Variants in MGAT5 observed in about 807,000 individuals in gnomAD.
MGAT5 encodes alpha-1,6-mannosylglycoprotein 6-beta-N-acetylglucosaminyltransferase A.
A neutral mutation model predicts 94.3 loss-of-function variants in MGAT5; 30 were observed. The observed-to-expected ratio is 0.32, with a 90% CI of 0.24 to 0.43. The LOEUF (loss-of-function observed/expected upper bound fraction) is 0.43, where lower values mean the gene tolerates loss of function less well. Among genes scored for constraint, MGAT5 ranks in the 20% least tolerant of loss-of-function variants. The pLI is 1.00. For missense variants in MGAT5, 691 were observed against 905.5 expected (o/e 0.76, Z 3.04); for synonymous variants, 310 against 322.9 (o/e 0.96, Z 0.43).
At chr2:134,216,651 C>T (rs1250640988) in intron 1 of MGAT5, among the ~76,000 whole-genome samples, 1 of 152,226 alleles carries the variant, frequency 6.6e-6, no homozygotes. Flanking sequence ...CATCCTCGAG[C>T]TGTGTTCCTG....
intron 9 of MGAT5, among the ~76,000 whole-genome samples, chr2:134,354,528 T>A (rs1047849772): frequency 6.6e-6 from 1 of 152,192 alleles, no homozygotes; most frequent in Non-Finnish European, 1.5e-5. Flanking sequence ...ACGTCTCACT[T>A]TAAGGCTCCT....
chr2:134,237,123 A>ATGTGTATGTATG (rs367744090), intron 1 of MGAT5, among the ~76,000 whole-genome samples: 2 of 140,626 alleles, frequency 1.4e-5, no homozygotes, highest in Admixed American at 1.4e-4. Flanking sequence ...GAAGGAGTAT[A>ATGTGTATGTATG]TGTGTGTGTG....
chr2:134,384,335 C>T (rs1681832539), intron 10 of MGAT5, among the ~76,000 whole-genome samples: 1 of 152,056 alleles, frequency 6.6e-6, no homozygotes, highest in Non-Finnish European at 1.5e-5. Context: ...CCTTCCTGTC[C>T]ACTATCCTTT....
intron 1 of MGAT5, among the ~76,000 whole-genome samples, chr2:134,229,094 A>G (rs1270764142): frequency 6.6e-6 from 1 of 152,224 alleles, no homozygotes; most frequent in Non-Finnish European, 1.5e-5. Context: ...TGTTCAAATT[A>G]GTATGTTTTC....
At chr2:134,378,700 G>C (rs1399533098) in intron 10 of MGAT5, among the ~76,000 whole-genome samples, 2 of 147,010 alleles carry the variant, frequency 1.4e-5, no homozygotes. Context: ...ACTGCCACCT[G>C]TGACTCCCGG....
At chr2:134,266,964 T>TA (rs566962822) in intron 1 of MGAT5, among the ~76,000 whole-genome samples, 33 of 152,310 alleles carry the variant, frequency 2.2e-4, no homozygotes, top group Non-Finnish European at 2.9e-4. Flanking sequence ...GTCTTAATTT[T>TA]AAAAAAATCT....
In MGAT5 at chr2:134,350,111, G is replaced by C. The variant is rs141610112; in HGVS notation, c.1246+173G>C. Among the ~76,000 whole-genome samples, 3 of 14,310 alleles carry C rather than the reference G, an allele frequency of 2.1e-4. No homozygotes were observed. In the East Asian group the frequency reaches 7.2e-3, roughly 34 times the overall value. The allele number at this position is 14,310 out of a possible 152,430, so 9.4% of individuals were successfully genotyped here. On this transcript the variant is annotated intron_variant, in intron 9 of 15. Transcript: ENST00000281923. The stretch of plus-strand genomic sequence containing the variant: ...TTTGTTTTTTTGTTTTTGTTTTTTA[G>C]TTGAAATCGAAAGGCCACATGAATA...
At chr2:134,197,674 C>T (rs1298353691) in intron 1 of MGAT5, among the ~76,000 whole-genome samples, 1 of 152,216 alleles carries the variant, frequency 6.6e-6, no homozygotes, top group East Asian at 1.9e-4. Context: ...TGTTCAGCTG[C>T]TGTAACAGAA....
At chr2:134,358,778 A>G (rs1679907334) in intron 9 of MGAT5, among the ~76,000 whole-genome samples, 1 of 152,228 alleles carries the variant, frequency 6.6e-6, no homozygotes, top group Admixed American at 6.5e-5. Context: ...TGCTTGGTAG[A>G]TATAGTGTAT....
At chr2:134,287,811 T>C (rs1003918527) in intron 2 of MGAT5, among the ~76,000 whole-genome samples, 1 of 152,234 alleles carries the variant, frequency 6.6e-6, no homozygotes, top group Non-Finnish European at 1.5e-5. Context: ...AAGGCTCTAG[T>C]ATAAGCATCT....
chr2:134,251,456 T>G (rs1321198563), upstream of MGAT5, among the ~76,000 whole-genome samples: 1 of 152,216 alleles, frequency 6.6e-6, no homozygotes, highest in Non-Finnish European at 1.5e-5. Flanking sequence ...CATATTCATT[T>G]AGCAGATACT....
At chr2:134,328,159 T>C (rs996137873) in intron 4 of MGAT5, among the ~76,000 whole-genome samples, 1 of 152,096 alleles carries the variant, frequency 6.6e-6, no homozygotes, top group Non-Finnish European at 1.5e-5. Context: ...TATCCTCTTG[T>C]TAGAACCCCA....
intron 10 of MGAT5, among the ~76,000 whole-genome samples, 167 bp downstream of exon 10, chr2:134,362,575 A>C (rs992112455): frequency 3.3e-5 from 5 of 152,222 alleles, no homozygotes; most frequent in Non-Finnish European, 7.3e-5. Flanking sequence ...TTGGGTTTCT[A>C]ACCAAGGCTG....
intron 1 of MGAT5, among the ~76,000 whole-genome samples, chr2:134,209,259 T>G (rs1388720129): frequency 2.5e-5 from 1 of 39,916 alleles, no homozygotes; most frequent in Non-Finnish European, 3.7e-5. Context: ...TACATATGTA[T>G]ACATGTGCCA....
intron 11 of MGAT5, among the ~76,000 whole-genome samples, chr2:134,411,894 T>C (rs1683686080): frequency 6.6e-6 from 1 of 152,212 alleles, no homozygotes; most frequent in Non-Finnish European, 1.5e-5. Flanking sequence ...AGTTATCTTT[T>C]CTCACTTAAT....
intron 2 of MGAT5, among the ~76,000 whole-genome samples, chr2:134,300,951 A>G (rs141650420): frequency 1.3e-5 from 2 of 152,290 alleles, no homozygotes; most frequent in Non-Finnish European, 1.5e-5. Flanking sequence ...GTATATATCT[A>G]TAAAATCACC....
intron 1 of MGAT5, among the ~76,000 whole-genome samples, chr2:134,148,993 G>A (rs972941558): frequency 2.0e-5 from 3 of 152,088 alleles, no homozygotes; most frequent in Non-Finnish European, 4.4e-5. Flanking sequence ...TGGAACTCCT[G>A]ACTTCAGGTG....
chr2:134,349,938 C>A lies in MGAT5; in HGVS notation c.1246C>A (p.Pro416Thr). ...LNPQQFYTMF[P>T]HTPDNSFLGF... is the part of the protein sequence containing the mutation. ...CCCTCAGCAGTTTTATACCATGTTC[C>A]GTGAGTATTCCTGTTTCATGTATGC... The change falls in exon 9 of 16, where the codon CCT becomes ACT. Residue 416 changes from proline (P) to threonine (T), a missense_variant and splice_region_variant. Physicochemically the swap from Pro to Thr is conservative, Grantham distance 38. Coordinates refer to ENST00000281923, the MANE Select transcript of MGAT5 (RefSeq NM_002410.5). The A allele has an allele frequency of 6.2e-7, 1 of 1,613,160 alleles. No individual in the cohort carries two copies. Among genetic ancestry groups the A allele is most frequent in the East Asian group, 2.2e-5 (1 of 44,850 alleles).
chr2:134,264,719 T>C (rs181213376), intron 1 of MGAT5, among the ~76,000 whole-genome samples: 18 of 152,318 alleles, frequency 1.2e-4, no homozygotes, highest in African/African-American at 4.3e-4. Context: ...TTCCTGACAG[T>C]CAATGGAAAT....
Sources: gnomAD v4.1 joint callset for allele counts (sites outside exome capture counted in the v4.1 genomes callset) on GRCh38, gnomAD v4.1.1 for gene constraint, MANE v1.5 for transcripts, NCBI Gene and HGNC (gene_info 2026-07-23, HGNC 2026-07-21) for gene names.